GLIS3: variants seen among roughly 807,000 people sequenced by gnomAD.
The protein encoded by GLIS3 is GLIS family zinc finger 3.
Under a neutral mutation model 78.6 loss-of-function variants are expected in GLIS3, and 53 were observed. The ratio of observed to expected loss-of-function variants is 0.67; its 90% CI spans 0.54 to 0.85. The LOEUF (loss-of-function observed/expected upper bound fraction) is 0.85. Among genes scored for constraint, GLIS3 ranks in the 40% least tolerant of loss-of-function variants. GLIS3 has a pLI of 0.00. For synonymous variants in GLIS3, 684 were observed against 509.9 expected (o/e 1.34, Z -4.60); for missense variants, 1,703 against 1,231.1 (o/e 1.38, Z -5.74).
At chr9:4,202,082 G>C (rs1819446806) in intron 2 of GLIS3, among the ~76,000 whole-genome samples, 1 of 151,966 alleles carries the variant, frequency 6.6e-6, no homozygotes, top group Admixed American at 6.6e-5. Flanking sequence ...AGGTTGCAGT[G>C]AGCCAAGGTC....
At chr9:4,040,698 A>G (rs1463845601) in intron 4 of GLIS3, among the ~76,000 whole-genome samples, 1 of 152,240 alleles carries the variant, frequency 6.6e-6, no homozygotes, top group Non-Finnish European at 1.5e-5. Context: ...ATAGTGAGTT[A>G]TAAAAGATGG....
intron 2 of GLIS3, among the ~76,000 whole-genome samples, chr9:4,344,089 T>C (rs944296384): frequency 3.3e-5 from 5 of 152,148 alleles, no homozygotes; most frequent in Non-Finnish European, 5.9e-5. Context: ...AATATTATAA[T>C]AATAAACACA....
At chr9:4,059,944 G>A (rs1157905481) in intron 4 of GLIS3, among the ~76,000 whole-genome samples, 1 of 151,372 alleles carries the variant, frequency 6.6e-6, no homozygotes, top group Non-Finnish European at 1.5e-5. Flanking sequence ...CATTTTTAAG[G>A]CAGGTGTGAA....
At chr9:4,026,739 A>C (rs140988079) in intron 4 of GLIS3, among the ~76,000 whole-genome samples, 49 of 152,328 alleles carry the variant, frequency 3.2e-4, no homozygotes, top group Middle Eastern at 3.4e-3. Context: ...GCATTAAAGC[A>C]CTTCTACCAA....
At chr9:4,303,290 C>CACACACAT (rs1554654870), upstream of GLIS3, among the ~76,000 whole-genome samples, 9 of 151,556 alleles carry the variant, frequency 5.9e-5, no homozygotes, top group African/African-American at 2.2e-4. Flanking sequence ...CACACACACA[C>CACACACAT]GAGCTGGCAA....
the GLIS3 span, among the ~76,000 whole-genome samples, chr9:4,417,381 C>T: frequency 6.6e-6 from 1 of 152,158 alleles, no homozygotes; most frequent in Non-Finnish European, 1.5e-5. Flanking sequence ...TATATATGTA[C>T]ATTTATACAC....
At chr9:3,845,060 GATAT>G (rs201048983) in intron 9 of GLIS3, among the ~76,000 whole-genome samples, 1 of 121,274 alleles carries the variant, frequency 8.2e-6, no homozygotes, top group African/African-American at 2.8e-5. Context: ...ACTGTGCAAA[GATAT>G]ATATATATGT....
chr9:3,860,552 C>T (rs1257187829), intron 8 of GLIS3, among the ~76,000 whole-genome samples: 1 of 152,030 alleles, frequency 6.6e-6, no homozygotes, highest in African/African-American at 2.4e-5. Context: ...GACACGTAGA[C>T]CCTGAGACAC....
At chr9:3,858,449 C>CTA (rs1205280455) in intron 8 of GLIS3, among the ~76,000 whole-genome samples, 3 of 152,056 alleles carry the variant, frequency 2.0e-5, no homozygotes, top group African/African-American at 7.2e-5. Flanking sequence ...ATGATAGGTA[C>CTA]AAACCATGGT....
chr9:3,840,288 C>T (rs1056799831), intron 9 of GLIS3, among the ~76,000 whole-genome samples: 3 of 152,154 alleles, frequency 2.0e-5, no homozygotes, highest in Non-Finnish European at 2.9e-5. Context: ...TAAAATCATA[C>T]TGCTCTTAAA....
At chr9:4,086,716 A>G (rs1020593506) in intron 4 of GLIS3, among the ~76,000 whole-genome samples, 2 of 152,196 alleles carry the variant, frequency 1.3e-5, no homozygotes, top group African/African-American at 4.8e-5. Context: ...AGTGCTGAGC[A>G]GGCTCTACAG....
upstream of GLIS3, among the ~76,000 whole-genome samples, chr9:4,350,334 G>C (rs1440128713): frequency 6.6e-6 from 1 of 152,154 alleles, no homozygotes; most frequent in African/African-American, 2.4e-5. Flanking sequence ...AACTTAAAGA[G>C]ACTATTTCAG....
At chr9:4,226,225 G>A (rs904516407) in intron 2 of GLIS3, among the ~76,000 whole-genome samples, 1 of 152,068 alleles carries the variant, frequency 6.6e-6, no homozygotes, top group South Asian at 2.1e-4. Flanking sequence ...CAATAAGAAG[G>A]AACAGAAGTA....
At chr9:4,335,096 G>A (rs1022325450) in intron 2 of GLIS3, among the ~76,000 whole-genome samples, 1 of 151,988 alleles carries the variant, frequency 6.6e-6, no homozygotes, top group Admixed American at 6.6e-5. Flanking sequence ...TTTTAGTGGA[G>A]ACGAGGTTTC....
At chr9:3,844,153 CTAGCATT>C (rs1818898147) in intron 9 of GLIS3, among the ~76,000 whole-genome samples, 1 of 152,172 alleles carries the variant, frequency 6.6e-6, no homozygotes, top group South Asian at 2.1e-4. Context: ...CAAGCCAGTT[CTAGCATT>C]CTATTGTTTT....
intron 8 of GLIS3, among the ~76,000 whole-genome samples, chr9:3,876,912 C>T (rs996656239): frequency 6.6e-6 from 1 of 151,732 alleles, no homozygotes; most frequent in Non-Finnish European, 1.5e-5. Flanking sequence ...AAACAGTTAG[C>T]AACCGTCAGA....
chr9:4,348,978 A>G (rs1455452448), upstream of GLIS3, among the ~76,000 whole-genome samples: 2 of 152,202 alleles, frequency 1.3e-5, no homozygotes, highest in Non-Finnish European at 2.9e-5. Flanking sequence ...CTCAGCAAAC[A>G]TCCAGTAAAC....
intron 5 of GLIS3, among the ~76,000 whole-genome samples, chr9:3,935,131 G>T (rs1265723952): frequency 6.6e-6 from 1 of 152,104 alleles, no homozygotes; most frequent in Non-Finnish European, 1.5e-5. Flanking sequence ...ATAGTATAAG[G>T]AGTGATTAAT....
chr9:3,911,100 TCTTCCTTC>T (rs534986962), intron 6 of GLIS3, among the ~76,000 whole-genome samples: 9 of 151,716 alleles, frequency 5.9e-5, no homozygotes, highest in East Asian at 5.8e-4. Flanking sequence ...TTCCTTCCTT[TCTTCCTTC>T]CTTCCTTCCT....
Sources: allele counts gnomAD v4.1 joint callset (sites outside exome capture counted in the v4.1 genomes callset), GRCh38; gene constraint gnomAD v4.1.1; transcripts MANE v1.5; gene names NCBI Gene and HGNC (gene_info 2026-07-23, HGNC 2026-07-21).